The following TMEM266 variants were observed in gnomAD, a reference collection of about 807,000 sequenced individuals.
TMEM266 encodes the protein Hv1 related protein 1.
A neutral mutation model predicts 50.5 loss-of-function variants in TMEM266; 33 were observed. The observed-to-expected ratio is 0.65, with a 90% CI of 0.50 to 0.87. The LOEUF (loss-of-function observed/expected upper bound fraction) is 0.87, where lower values mean the gene tolerates loss of function less well. TMEM266 is among the 40% of genes least tolerant of loss of function. The probability of loss-of-function intolerance (pLI) is 0.00; values close to 1 mark genes in which losing one functional copy is unlikely to be tolerated. For synonymous variants in TMEM266, 310 were observed against 292.3 expected (o/e 1.06, Z -0.62); for missense variants, 655 against 695.1 (o/e 0.94, Z 0.65).
intron 1 of TMEM266, among the ~76,000 whole-genome samples, chr15:76,079,441 C>T (rs1465357197): frequency 6.9e-6 from 1 of 145,360 alleles, no homozygotes; most frequent in African/African-American, 2.6e-5. Flanking sequence ...TAGGGCCCAC[C>T]TTAATCTAGT....
chr15:76,118,718 G>A (rs549509034), intron 1 of TMEM266, among the ~76,000 whole-genome samples: 2 of 152,290 alleles, frequency 1.3e-5, no homozygotes, highest in East Asian at 3.9e-4. Flanking sequence ...AGAGACCTTG[G>A]TTTGCTTTCC....
At chr15:76,182,121 G>A (rs2038420089) in intron 8 of TMEM266, among the ~76,000 whole-genome samples, 1 of 152,160 alleles carries the variant, frequency 6.6e-6, no homozygotes. Context: ...GGAAAGGTGA[G>A]TCCCTTGTCG....
chr15:76,084,748 A>C (rs1185500127), intron 1 of TMEM266, among the ~76,000 whole-genome samples: 6 of 148,876 alleles, frequency 4.0e-5, no homozygotes, highest in East Asian at 2.0e-4. Flanking sequence ...CTACAGGCTC[A>C]TGCCACCATG....
chr15:76,165,984 T>A (rs2038089058), intron 5 of TMEM266, among the ~76,000 whole-genome samples: 1 of 152,016 alleles, frequency 6.6e-6, no homozygotes, highest in Non-Finnish European at 1.5e-5. Context: ...GTGCCCAGAG[T>A]TTCTGATATC....
At chr15:76,121,021 C>T (rs1439872903) in intron 1 of TMEM266, among the ~76,000 whole-genome samples, 3 of 151,972 alleles carry the variant, frequency 2.0e-5, no homozygotes, top group Admixed American at 2.0e-4. Flanking sequence ...GAAGGGATGT[C>T]CATATATACT....
intron 1 of TMEM266, among the ~76,000 whole-genome samples, chr15:76,068,633 A>G (rs1405783005): frequency 3.3e-5 from 5 of 152,202 alleles, no homozygotes; most frequent in African/African-American, 7.2e-5. Context: ...GAAAGATACT[A>G]TCTCTCTCTC....
chr15:76,192,165 C>T lies in TMEM266; in HGVS notation c.958+8C>T. 7.2e-7 allele frequency: 1 copy of T among 1,394,694 alleles called. No homozygotes were observed. The highest frequency in any genetic ancestry group is 9.3e-7 in the Non-Finnish European group (1 of 1,078,410). The allele number at this position is 1,394,694 out of a possible 1,614,324, so 86.4% of individuals were successfully genotyped here. A position where few individuals can be genotyped will look rare whatever the true frequency, so the allele number is the denominator to read the frequency against. ...AGCTGCAGCCCTCGCAAGGTAAGCCCGGGTCTCCACCCGGCCCCAGAGTGT... is the reference window on the plus strand; with the variant it reads ...AGCTGCAGCCCTCGCAAGGTAAGCCTGGGTCTCCACCCGGCCCCAGAGTGT... On this transcript the variant is annotated splice_region_variant and intron_variant, in intron 9 of 10. Transcript: ENST00000388942.
chr15:76,184,352 T>C (rs879308755), intron 8 of TMEM266, among the ~76,000 whole-genome samples: 13 of 152,228 alleles, frequency 8.5e-5, no homozygotes, highest in Non-Finnish European at 1.9e-4. Context: ...ACTTATGTTA[T>C]CCTTTTGCCA....
At chr15:76,113,959 G>C (rs2037211767) in intron 1 of TMEM266, 1 of 152,130 alleles carries the variant, frequency 6.6e-6, no homozygotes, top group African/African-American at 2.4e-5. Context: ...ATGCCCAGCG[G>C]TAAGAACACC....
At chr15:76,159,989 A>G (rs1487097833) in intron 4 of TMEM266, 106 bp from the exon 5 acceptor site, 3 of 1,049,304 alleles carry the variant, frequency 2.9e-6, no homozygotes, top group Non-Finnish European at 4.3e-6. Context: ...ACGTTCATGC[A>G]GGCGGGCCCC....
chr15:76,110,481 A>G (rs142737182), intron 1 of TMEM266, among the ~76,000 whole-genome samples: 9 of 152,124 alleles, frequency 5.9e-5, no homozygotes, highest in African/African-American at 2.2e-4. Context: ...AGTGTATTTT[A>G]TGTGTGGCCT....
At chr15:76,136,662 T>C (rs1353862743) in intron 2 of TMEM266, among the ~76,000 whole-genome samples, 3 of 152,200 alleles carry the variant, frequency 2.0e-5, no homozygotes, top group African/African-American at 7.2e-5. Context: ...GGCACAAGAC[T>C]GAGCCCCTCA....
chr15:76,169,908 T>G (rs1014861989), intron 6 of TMEM266, 36 bp downstream of exon 6: 16 of 1,598,688 alleles, frequency 1.0e-5, no homozygotes, highest in Non-Finnish European at 1.3e-5. Context: ...GCCCCCACTC[T>G]GCCATCCTGG....
chr15:76,198,736 C>A (rs1216232285), intron 9 of TMEM266, among the ~76,000 whole-genome samples: 2 of 152,240 alleles, frequency 1.3e-5, no homozygotes, highest in African/African-American at 4.8e-5. Flanking sequence ...CCCTTGGTCC[C>A]CCTCTGTGGG....
At chr15:76,190,010 CTGT>C (rs1464017077) in intron 8 of TMEM266, among the ~76,000 whole-genome samples, 4 of 152,224 alleles carry the variant, frequency 2.6e-5, no homozygotes, top group African/African-American at 9.6e-5. Flanking sequence ...CCTGGCCACC[CTGT>C]TGTTGGTGAA....
chr15:76,132,813 AATTATTATT>A (rs58869632), intron 1 of TMEM266, among the ~76,000 whole-genome samples: 5,881 of 134,960 alleles, frequency 0.044, 154 homozygotes, highest in African/African-American at 0.056. Context: ...TAATAATAGT[AATTATTATT>A]ATTATTATTA....
chr15:76,162,133 G>A (rs2038027315), intron 5 of TMEM266, among the ~76,000 whole-genome samples: 1 of 152,190 alleles, frequency 6.6e-6, no homozygotes, highest in South Asian at 2.1e-4. Flanking sequence ...TCCCACAGCT[G>A]AGCGGGGAGA....
intron 8 of TMEM266, among the ~76,000 whole-genome samples, chr15:76,189,339 G>A (rs942025829): frequency 7.0e-6 from 1 of 141,954 alleles, no homozygotes; most frequent in African/African-American, 2.9e-5. Flanking sequence ...AGAGGGAGCA[G>A]AGAAAGAAGG....
At position 76,153,546 on chromosome 15, in the gene TMEM266, T is replaced by C. The variant is rs533326217; in HGVS notation, c.228-3058T>C. Among the ~76,000 whole-genome samples the C allele has an allele frequency of 1.5e-4, 23 of 152,218 alleles. No homozygotes were observed. Among genetic ancestry groups the C allele is most frequent in the Middle Eastern group, 3.4e-3 (1 of 294 alleles). On this transcript the variant is annotated intron_variant, in intron 3 of 10. Coordinates refer to ENST00000388942, the MANE Select transcript of TMEM266 (RefSeq NM_152335.3). This position sits in a 1 kb window ranked among gnomAD's most constrained non-coding sequence, Gnocchi z 4.2. ...ACGGTAATGGGCATTGGGGAGAATG[T>C]GGAATTGGAGCCAGGTGTCCTTGGG...
Sources: gnomAD v4.1 joint callset for allele counts (sites outside exome capture counted in the v4.1 genomes callset) on GRCh38, gnomAD v4.1.1 for gene constraint, Gnocchi (gnomAD v3.1) non-coding constraint, MANE v1.5 for transcripts, NCBI Gene and HGNC (gene_info 2026-07-23, HGNC 2026-07-21) for gene names.